Variants in ADAM29 observed in about 807,000 individuals in gnomAD.
ADAM29 encodes disintegrin and metalloproteinase domain-containing protein 29.
For synonymous variants in ADAM29, 367 were observed against 342.3 expected, an observed-to-expected ratio of 1.07 and a Z score of -0.80; for missense variants, 969 against 1,001.8, an observed-to-expected ratio of 0.97 and a Z score of 0.44.
chr4:174,925,298 T>C (rs1166857476), intron 2 of ADAM29, among the ~76,000 whole-genome samples: 3 of 152,194 alleles, frequency 2.0e-5, no homozygotes, highest in Admixed American at 6.5e-5. Context: ...ACATGTATTA[T>C]ATAATGTAAG....
At chr4:174,937,727 G>A (rs1744283339) in intron 4 of ADAM29, among the ~76,000 whole-genome samples, 1 of 151,950 alleles carries the variant, frequency 6.6e-6, no homozygotes, top group Non-Finnish European at 1.5e-5. Context: ...TTCTCAGAAA[G>A]CATTTTCTGA....
chr4:174,942,426 G>A (rs4459968), intron 4 of ADAM29, among the ~76,000 whole-genome samples: 3,059 of 152,238 alleles, frequency 0.02, 47 homozygotes, highest in Non-Finnish European at 0.028. Context: ...TGAAATCTAC[G>A]TAGAGGCTCC....
chr4:174,922,771 C>T (rs1000261206), intron 2 of ADAM29, among the ~76,000 whole-genome samples: 2 of 151,966 alleles, frequency 1.3e-5, no homozygotes, highest in African/African-American at 4.8e-5. Flanking sequence ...CCCCCACTAT[C>T]ACATTCTTGT....
chr4:174,956,700 ACT>A (rs1745525488), intron 4 of ADAM29, among the ~76,000 whole-genome samples: 1 of 151,668 alleles, frequency 6.6e-6, no homozygotes. Context: ...TCATGTGTTA[ACT>A]CTGAATTCTC....
chr4:174,963,137 A>G (rs529387986), intron 4 of ADAM29, among the ~76,000 whole-genome samples: 1 of 152,174 alleles, frequency 6.6e-6, no homozygotes, highest in Non-Finnish European at 1.5e-5. Flanking sequence ...GAAAACACAT[A>G]ATAAGGAAAA....
intron 4 of ADAM29, among the ~76,000 whole-genome samples, chr4:174,949,856 C>T (rs944297407): frequency 6.6e-6 from 1 of 151,946 alleles, no homozygotes; most frequent in Non-Finnish European, 1.5e-5. Context: ...GTCCTTTTCC[C>T]TCAATTTCTC....
intron 4 of ADAM29, among the ~76,000 whole-genome samples, chr4:174,953,351 T>G (rs1368661983): frequency 1.3e-5 from 2 of 152,248 alleles, no homozygotes; most frequent in Non-Finnish European, 2.9e-5. Context: ...TTACTCTTAC[T>G]TATTTTTCAA....
intron 4 of ADAM29, among the ~76,000 whole-genome samples, chr4:174,944,886 A>G (rs557867757): frequency 6.6e-6 from 1 of 152,308 alleles, no homozygotes; most frequent in East Asian, 1.9e-4. Flanking sequence ...GCTGCATAGT[A>G]TTCCATGGTG....
chr4:174,940,658 T>C (rs1001991165), intron 4 of ADAM29, among the ~76,000 whole-genome samples: 3 of 152,164 alleles, frequency 2.0e-5, no homozygotes, highest in African/African-American at 7.2e-5. Flanking sequence ...TTATGTATTC[T>C]AGAAGCACTT....
At chr4:174,950,426 A>G (rs1745102273) in intron 4 of ADAM29, among the ~76,000 whole-genome samples, 1 of 152,212 alleles carries the variant, frequency 6.6e-6, no homozygotes, top group African/African-American at 2.4e-5. Context: ...GTCTCCCAGT[A>G]TAAGCCTAGG....
At chr4:174,949,982 A>T (rs1745078196) in intron 4 of ADAM29, among the ~76,000 whole-genome samples, 1 of 152,174 alleles carries the variant, frequency 6.6e-6, no homozygotes, top group African/African-American at 2.4e-5. Context: ...AAAAAAACAC[A>T]GAATAACTGT....
At chr4:174,937,753 A>C (rs1351802819) in intron 4 of ADAM29, among the ~76,000 whole-genome samples, 1 of 152,048 alleles carries the variant, frequency 6.6e-6, no homozygotes, top group Non-Finnish European at 1.5e-5. Flanking sequence ...GGATTGAAGC[A>C]GTTGCTATTC....
chr4:174,968,214 T>C (rs1232204696), intron 4 of ADAM29, among the ~76,000 whole-genome samples: 1 of 152,156 alleles, frequency 6.6e-6, no homozygotes, highest in Non-Finnish European at 1.5e-5. Context: ...AGACAAAGTG[T>C]GCATTCACTG....
In ADAM29 at chr4:174,931,089, C is replaced by T. The variant is rs1221457857; in HGVS notation, c.-347C>T. 6.6e-6 allele frequency: 1 copy of T among 152,130 alleles called. No individual in the cohort carries two copies. The allele number at this position is 152,130 out of a possible 1,614,324, so 9.4% of individuals were successfully genotyped here. ...CGTCAATACTCCTGTGATCGTATAA[C>T]CATCAGCAAGAAAACAAATTTGATT... On this transcript the variant is annotated 5_prime_UTR_variant, in exon 3 of 5. Coordinates refer to ENST00000359240, the MANE Select transcript of ADAM29 (RefSeq NM_014269.4).
At chr4:174,955,171 A>G (rs972049838) in intron 4 of ADAM29, among the ~76,000 whole-genome samples, 5 of 152,116 alleles carry the variant, frequency 3.3e-5, no homozygotes, top group Non-Finnish European at 7.4e-5. Context: ...TGTTATAAAC[A>G]TGAATCCAAG....
chr4:174,958,885 T>G (rs1044199435), intron 4 of ADAM29, among the ~76,000 whole-genome samples: 2 of 151,882 alleles, frequency 1.3e-5, no homozygotes, highest in Non-Finnish European at 3.0e-5. Flanking sequence ...GTAGCATAGG[T>G]ACCTTGTAAC....
chr4:174,923,560 T>TGG (rs1553970173), intron 2 of ADAM29, among the ~76,000 whole-genome samples: 5 of 115,892 alleles, frequency 4.3e-5, no homozygotes, highest in Non-Finnish European at 5.1e-5. Flanking sequence ...TATATATATA[T>TGG]ACACACACAC....
At chr4:174,965,484 CATCT>C (rs60063978) in intron 4 of ADAM29, among the ~76,000 whole-genome samples, 5,925 of 147,154 alleles carry the variant, frequency 0.04, 244 homozygotes, top group African/African-American at 0.094. Context: ...CTCTATCTAT[CATCT>C]ATCTATCTAT....
rs1746797674 is a variant in ADAM29, at chr4:174,976,392, C to T, written c.867C>T (p.Phe289=). Reference sequence around the variant, plus strand: ...TGCAACATGACACCTCACATCTTTTCACAACTCTAGGATTAAGAGGGTTAA... The same window carrying T: ...TGCAACATGACACCTCACATCTTTTTACAACTCTAGGATTAAGAGGGTTAA... ...PRMQHDTSHL[F]TTLGLRGLSG... Residue 289 remains phenylalanine (F), a synonymous_variant, in exon 5 of 5, where the codon TTC becomes TTT. Coordinates refer to ENST00000359240, the MANE Select transcript of ADAM29 (RefSeq NM_014269.4). The T allele has an allele frequency of 6.3e-7, 1 of 1,598,588 alleles. No homozygotes were observed. The highest frequency in any genetic ancestry group is 8.5e-7 in the Non-Finnish European group (1 of 1,173,940).
Sources: gnomAD v4.1 joint callset for allele counts (sites outside exome capture counted in the v4.1 genomes callset) on GRCh38, gnomAD v4.1.1 for gene constraint, MANE v1.5 for transcripts, NCBI Gene and HGNC (gene_info 2026-07-23, HGNC 2026-07-21) for gene names.